Variants in CXCL17 observed in about 807,000 individuals in gnomAD.
CXCL17 encodes C-X-C motif chemokine ligand 17.
In CXCL17, 9 loss-of-function variants were observed where a neutral mutation model predicts 15.5. That is an observed-to-expected ratio of 0.58 (90% CI 0.35 to 1.01). CXCL17 has a LOEUF of 1.01. CXCL17 is among the 50% of genes least tolerant of loss of function. CXCL17 has a pLI of 0.02. For missense variants in CXCL17, 133 were observed against 138.2 expected (o/e 0.96, Z 0.19); for synonymous variants, 52 against 52.3 (o/e 0.99, Z 0.02).
Position 42,428,706 on chromosome 19 carries a change from A to G in CXCL17, c.*178T>C. 7.8e-6 allele frequency: 5 copies of G among 639,464 alleles called. No individual in the cohort carries two copies. Among genetic ancestry groups the G allele is most frequent in the Non-Finnish European group, 1.4e-5 (5 of 355,262 alleles). The allele number at this position is 639,464 out of a possible 1,614,324, so 39.6% of individuals were successfully genotyped here. On this transcript the variant is annotated 3_prime_UTR_variant, in exon 4 of 4. Transcript: ENST00000601181. ...AGGCTAAGACTGACGAGAGAAGAAG[A>G]CACTAGAGAGAGCAACAAACAAAAT... is the stretch of plus-strand genomic sequence containing the variant.
chr19:42,436,713 C>T (rs1004063659), intron 1 of CXCL17, among the ~76,000 whole-genome samples: 3 of 152,152 alleles, frequency 2.0e-5, no homozygotes, highest in Admixed American at 6.5e-5. Context: ...ATGCATAATA[C>T]TCTCAATAAT....
intron 1 of CXCL17, among the ~76,000 whole-genome samples, chr19:42,435,151 C>T (rs2040821427): frequency 6.6e-6 from 1 of 151,108 alleles, no homozygotes; most frequent in South Asian, 2.1e-4. Context: ...TGTACTCCAT[C>T]CTGGGCGACA....
At chr19:42,439,376 G>T (rs1168126202) in intron 1 of CXCL17, among the ~76,000 whole-genome samples, 1 of 151,314 alleles carries the variant, frequency 6.6e-6, no homozygotes, top group Admixed American at 6.6e-5. Flanking sequence ...CAACACCACA[G>T]TAATAATTCT....
rs1045358285 is a variant in CXCL17 at position 42,433,081 on chromosome 19, G to A, written c.161-4C>T. On this transcript the variant is annotated splice_polypyrimidine_tract_variant and splice_region_variant and intron_variant, in intron 2 of 3. Coordinates refer to ENST00000601181, the MANE Select transcript of CXCL17 (RefSeq NM_198477.3). Reference sequence around the variant, plus strand: ...CTCGGGGCTCTCAGGAACCAATCTGGAACAACAGCATTGCTGCTTAGATGG... The same window carrying A: ...CTCGGGGCTCTCAGGAACCAATCTGAAACAACAGCATTGCTGCTTAGATGG... 2.5e-6 allele frequency: 4 copies of A among 1,607,072 alleles called. No individual in the cohort carries two copies. The highest frequency in any genetic ancestry group is 1.3e-5 in the African/African-American group (1 of 74,836).
chr19:42,432,786 A>G (rs2040796084), intron 3 of CXCL17, among the ~76,000 whole-genome samples, 190 bp downstream of exon 3: 2 of 152,360 alleles, frequency 1.3e-5, no homozygotes, highest in Middle Eastern at 6.8e-3. Context: ...CCTTTCCAGT[A>G]TCAGGAAAAT....
At chr19:42,433,968 G>A in intron 1 of CXCL17, 112 bp from the exon 2 acceptor site, 1 of 722,988 alleles carries the variant, frequency 1.4e-6, no homozygotes, top group Non-Finnish European at 2.4e-6. Flanking sequence ...TTTACTTCAA[G>A]AATCTAGGTT....
intron 3 of CXCL17, among the ~76,000 whole-genome samples, chr19:42,430,194 A>G (rs766832032): frequency 2.0e-5 from 3 of 152,128 alleles, no homozygotes; most frequent in Non-Finnish European, 4.4e-5. Context: ...AACTGAATCT[A>G]TTATTGCAAA....
intron 1 of CXCL17, among the ~76,000 whole-genome samples, chr19:42,438,371 AAAAAAAAAAAAT>A (rs1321177549): frequency 1.9e-5 from 2 of 107,260 alleles, no homozygotes; most frequent in African/African-American, 4.7e-5. Context: ...AAAAAAAAAA[AAAAAAAAAAAAT>A]ATATATATAT....
rs943298762 is a variant in CXCL17 at position 42,428,735 on chromosome 19, C to T, written c.*149G>A. The T allele has an allele frequency of 1.3e-5, 9 of 692,732 alleles. No individual in the cohort carries two copies. In the Admixed American group the frequency reaches 1.9e-4, roughly 15 times the overall value. The allele number at this position is 692,732 out of a possible 1,614,324, so 42.9% of individuals were successfully genotyped here. A position where few individuals can be genotyped will look rare whatever the true frequency, so the allele number is the denominator to read the frequency against. On this transcript the variant is annotated 3_prime_UTR_variant, in exon 4 of 4. Transcript: ENST00000601181. ...TAGAGAGAGCAACAAACAAAATGAT[C>T]TTGAAAAACATGCTTTTTGAGAGCA...
chr19:42,437,759 C>T (rs1010997702), intron 1 of CXCL17, among the ~76,000 whole-genome samples: 2 of 152,144 alleles, frequency 1.3e-5, no homozygotes, highest in Admixed American at 1.3e-4. Context: ...GTTACTTCCA[C>T]TTGTTAGGAT....
At chr19:42,432,107 C>T (rs2040787510) in intron 3 of CXCL17, among the ~76,000 whole-genome samples, 2 of 145,880 alleles carry the variant, frequency 1.4e-5, no homozygotes, top group Admixed American at 6.9e-5. Flanking sequence ...TTGATAATAT[C>T]ATAATATCAA....
At chr19:42,436,622 A>G (rs1351959632) in intron 1 of CXCL17, among the ~76,000 whole-genome samples, 3 of 152,166 alleles carry the variant, frequency 2.0e-5, no homozygotes, top group African/African-American at 7.2e-5. Flanking sequence ...TAATATAGTG[A>G]TAACCATAGC....
chr19:42,438,381 A>AAAATAT lies in CXCL17; in HGVS notation c.79+4372_79+4373insATATTT, dbSNP rs1555793041. On this transcript the variant is annotated intron_variant, in intron 1 of 3. Transcript: ENST00000601181. ...AAAAAAAAAAAAAAAAAAAAAAAAAAATATATATATATATATATATATATA... is the reference window on the plus strand; with the variant it reads ...AAAAAAAAAAAAAAAAAAAAAAAAAAAAATATATATATATATATATATATATATATA... Among the ~76,000 whole-genome samples, 73 of 63,822 alleles carry AAAATAT rather than the reference A, an allele frequency of 1.1e-3. 1 individual carries two copies. The highest frequency in any genetic ancestry group is 1.7e-3 in the Admixed American group (6 of 3,594). 41.9% of individuals were successfully genotyped at this position (63,822 alleles called of 152,430 possible).
chr19:42,435,200 A>G (rs2040822218), intron 1 of CXCL17, among the ~76,000 whole-genome samples: 2 of 151,994 alleles, frequency 1.3e-5, no homozygotes, highest in Non-Finnish European at 2.9e-5. Flanking sequence ...AAAAATTCCT[A>G]AGACAATCAA....
intron 1 of CXCL17, 82 bp downstream of exon 1, chr19:42,442,672 A>T (rs1600167900): frequency 1.0e-6 from 1 of 988,382 alleles, no homozygotes; most frequent in Non-Finnish European, 1.6e-6. Flanking sequence ...CATAGCTAAG[A>T]GAAGCTGCAT....
At chr19:42,438,149 G>A (rs1035205974) in intron 1 of CXCL17, among the ~76,000 whole-genome samples, 2 of 151,232 alleles carry the variant, frequency 1.3e-5, no homozygotes, top group South Asian at 2.1e-4. Context: ...ACGAGGTCAG[G>A]AGATTGAGAC....
chr19:42,433,797 C>A lies in CXCL17; in HGVS notation c.139G>T (p.Gly47Cys). The A allele has an allele frequency of 6.2e-7, 1 of 1,613,988 alleles. No individual in the cohort carries two copies. Residue 47 changes from glycine to cysteine, a missense_variant, in exon 2 of 4, where the codon GGC becomes TGC. Coordinates refer to ENST00000601181, the MANE Select transcript of CXCL17 (RefSeq NM_198477.3). ...QASRRWLQEG[G>C]QECECKDWFL... Reference sequence around the variant, plus strand: ...TGACCTTTGCACTCACATTCTTGGCCGCCTTCCTGGAGCCATCTCCTAGAA... The same window carrying A: ...TGACCTTTGCACTCACATTCTTGGCAGCCTTCCTGGAGCCATCTCCTAGAA...
chr19:42,439,715 G>A (rs1049989451), intron 1 of CXCL17, among the ~76,000 whole-genome samples: 3 of 152,216 alleles, frequency 2.0e-5, no homozygotes, highest in Non-Finnish European at 2.9e-5. Flanking sequence ...ATGTGTAGCC[G>A]GAAATATCAG....
Position 42,437,403 on chromosome 19 carries a change from A to G in CXCL17, c.80-3547T>C, listed in dbSNP as rs191377491. On this transcript the variant is annotated intron_variant, in intron 1 of 3. Coordinates refer to ENST00000601181, the MANE Select transcript of CXCL17 (RefSeq NM_198477.3). ...AAGAAGCTTATTTACTTTCCACCTA[A>G]AATCAGTTTTGGGAACCACTGATAC... 2.4e-4 allele frequency among the ~76,000 whole-genome samples: 37 copies of G among 152,336 alleles called. No individual in the cohort carries two copies. The East Asian group carries it at 7.1e-3, about 29-fold the overall frequency.
Sources: gnomAD v4.1 joint callset for allele counts (sites outside exome capture counted in the v4.1 genomes callset) on GRCh38, gnomAD v4.1.1 for gene constraint, MANE v1.5 for transcripts, NCBI Gene and HGNC (gene_info 2026-07-23, HGNC 2026-07-21) for gene names.